Variants in ASIC2 observed in about 807,000 individuals in gnomAD.
ASIC2 encodes the protein acid-sensing ion channel 2.
In ASIC2, 25 loss-of-function variants were observed where a neutral mutation model predicts 57.3. The observed-to-expected ratio is 0.44, with a 90% CI of 0.32 to 0.61. The LOEUF (loss-of-function observed/expected upper bound fraction) is 0.61, where lower values mean the gene tolerates loss of function less well. ASIC2 is among the 20% of genes least tolerant of loss of function. The pLI, the probability that ASIC2 is intolerant of heterozygous loss-of-function variation, is 0.06. For missense variants in ASIC2, 641 were observed against 738.1 expected (o/e 0.87, Z 1.52); for synonymous variants, 319 against 307.5 (o/e 1.04, Z -0.39).
chr17:33,287,967 C>T (rs9889933), intron 1 of ASIC2, among the ~76,000 whole-genome samples: 5,521 of 152,222 alleles, frequency 0.036, 330 homozygotes, highest in African/African-American at 0.12. Context: ...AAGCCAGGAG[C>T]CTTGTTGCAG....
rs966255608 is a variant in ASIC2, at chr17:34,039,618, A to G, written c.555+116360T>C. 1.3e-5 allele frequency: 21 copies of G among 1,613,504 alleles called. No homozygotes were observed. In the Admixed American group the frequency reaches 2.3e-4, roughly 18 times the overall value. On this transcript the variant is annotated intron_variant, in intron 1 of 9. Transcript: ENST00000359872. ...TTCCCCCAGCAAACTCAAAGTAATC[A>G]CTAATTTTATGTCCCCTAGGAGTGC... is the stretch of plus-strand genomic sequence containing the variant.
chr17:34,095,949 T>C (rs567827973), intron 1 of ASIC2, among the ~76,000 whole-genome samples: 13 of 152,124 alleles, frequency 8.5e-5, no homozygotes, highest in Non-Finnish European at 1.6e-4. Flanking sequence ...ACTATACTCA[T>C]TTTACAGATG....
intron 1 of ASIC2, among the ~76,000 whole-genome samples, chr17:33,487,238 G>T (rs1251802527): frequency 1.3e-5 from 2 of 152,256 alleles, no homozygotes; most frequent in East Asian, 1.9e-4. Flanking sequence ...AGAGCATTCT[G>T]CTGGGCATCC....
At chr17:33,608,519 A>G (rs917620306) in intron 1 of ASIC2, among the ~76,000 whole-genome samples, 3 of 151,996 alleles carry the variant, frequency 2.0e-5, no homozygotes, top group Non-Finnish European at 4.4e-5. Flanking sequence ...CTGAGCCTCC[A>G]TATCCTTATA....
At chr17:33,399,600 T>C (rs534812080) in intron 1 of ASIC2, among the ~76,000 whole-genome samples, 1 of 152,302 alleles carries the variant, frequency 6.6e-6, no homozygotes, top group Non-Finnish European at 1.5e-5. Flanking sequence ...AGGCATAGTG[T>C]CCAGACCTCA....
intron 7 of ASIC2, 57 bp downstream of exon 7, chr17:33,021,162 T>TACCCC: frequency 5.8e-6 from 4 of 694,010 alleles, no homozygotes; most frequent in Non-Finnish European, 5.3e-6. Flanking sequence ...CTGTGCATCC[T>TACCCC]CCCTCCCTCC....
intron 1 of ASIC2, among the ~76,000 whole-genome samples, chr17:33,379,107 T>A (rs1244493034): frequency 2.6e-5 from 4 of 152,166 alleles, no homozygotes; most frequent in Admixed American, 2.6e-4. Flanking sequence ...ATACAGTTAG[T>A]GACTGGAGCA....
intron 1 of ASIC2, chr17:34,004,333 C>T (rs2142017081): frequency 6.6e-6 from 1 of 152,222 alleles, no homozygotes; most frequent in South Asian, 2.1e-4. Flanking sequence ...CATCCACCAT[C>T]CCCTCCCACC....
At chr17:33,991,669 T>C (rs1906004018) in intron 1 of ASIC2, among the ~76,000 whole-genome samples, 1 of 152,170 alleles carries the variant, frequency 6.6e-6, no homozygotes, top group South Asian at 2.1e-4. Flanking sequence ...ACAAAATAAC[T>C]GCACCTGATA....
At chr17:33,946,048 A>G (rs1427831186) in intron 1 of ASIC2, among the ~76,000 whole-genome samples, 1 of 152,186 alleles carries the variant, frequency 6.6e-6, no homozygotes, top group Admixed American at 6.5e-5. Context: ...GGGCAGGTGG[A>G]TCATTAACTG....
intron 1 of ASIC2, among the ~76,000 whole-genome samples, chr17:33,358,882 A>G (rs769545144): frequency 2.6e-5 from 4 of 152,212 alleles, no homozygotes; most frequent in Non-Finnish European, 4.4e-5. Context: ...AAATTTCCCA[A>G]AAGACAACAC....
intron 1 of ASIC2, among the ~76,000 whole-genome samples, chr17:33,308,069 G>A (rs2142201630): frequency 6.6e-6 from 1 of 152,292 alleles, no homozygotes; most frequent in African/African-American, 2.4e-5. Context: ...ACACTGGTAT[G>A]TTCTAAATAC....
intron 1 of ASIC2, among the ~76,000 whole-genome samples, chr17:33,388,312 A>G (rs545830470): frequency 6.6e-6 from 1 of 152,120 alleles, no homozygotes; most frequent in Non-Finnish European, 1.5e-5. Context: ...AGTAATACGT[A>G]TTTTGGACTT....
At chr17:33,040,268 A>C (rs772716337) in intron 3 of ASIC2, among the ~76,000 whole-genome samples, 1 of 152,208 alleles carries the variant, frequency 6.6e-6, no homozygotes, top group African/African-American at 2.4e-5. Context: ...CCAATGACCT[A>C]TGGTTCCAAT....
intron 3 of ASIC2, among the ~76,000 whole-genome samples, chr17:33,043,075 T>C (rs1395303193): frequency 5.9e-5 from 9 of 152,074 alleles, no homozygotes; most frequent in African/African-American, 1.9e-4. Flanking sequence ...TACAGGCGCC[T>C]GCCACCACGC....
chr17:34,047,257 G>A lies in ASIC2; in HGVS notation c.555+108721C>T, dbSNP rs571006998. ...TTCATTTATTCAACATATATATAAT[G>A]AGCACCTACTTTGTGAAGTAACAAA... On this transcript the variant is annotated intron_variant, in intron 1 of 9. Coordinates refer to the ASIC2 transcript ENST00000359872. 9.9e-5 allele frequency among the ~76,000 whole-genome samples: 15 copies of A among 152,030 alleles called. No individual in the cohort carries two copies. The South Asian group carries it at 2.9e-3, about 29-fold the overall frequency.
chr17:34,063,193 A>G (rs1909034890), intron 1 of ASIC2, among the ~76,000 whole-genome samples: 1 of 152,218 alleles, frequency 6.6e-6, no homozygotes, highest in African/African-American at 2.4e-5. Flanking sequence ...GTTTCATACC[A>G]GGAATGCAGG....
chr17:33,890,885 C>A (rs967077161), intron 1 of ASIC2, among the ~76,000 whole-genome samples: 5 of 135,426 alleles, frequency 3.7e-5, no homozygotes, highest in Non-Finnish European at 7.8e-5. Context: ...CAGCACTCTG[C>A]AGGCTGGAGA....
intron 1 of ASIC2, among the ~76,000 whole-genome samples, chr17:33,167,521 TG>T (rs2142045216): frequency 1.3e-5 from 2 of 152,334 alleles, no homozygotes; most frequent in Admixed American, 1.3e-4. Context: ...CTCCAGTTTT[TG>T]TGTCTCTTCT....
Sources: gnomAD v4.1 joint callset for allele counts (sites outside exome capture counted in the v4.1 genomes callset) on GRCh38, gnomAD v4.1.1 for gene constraint, MANE v1.5 for transcripts, NCBI Gene and HGNC (gene_info 2026-07-23, HGNC 2026-07-21) for gene names.